Variants in NPAP1 observed in about 807,000 individuals in gnomAD.
NPAP1 encodes the protein nuclear pore-associated protein 1.
For missense variants in NPAP1, 1,483 were observed against 1,454.5 expected, an observed-to-expected ratio of 1.02 and a Z score of -0.32; for synonymous variants, 616 against 581.4, an observed-to-expected ratio of 1.06 and a Z score of -0.86.
Position 24,676,284 on chromosome 15 carries a change from G to A in NPAP1, c.417G>A (p.Lys139=). 6.6e-7 allele frequency: 1 copy of A among 1,519,256 alleles called. No individual in the cohort carries two copies. The allele number at this position is 1,519,256 out of a possible 1,614,324, so 94.1% of individuals were successfully genotyped here. The change falls in exon 1 of 1, where the codon AAG becomes AAA. Residue 139 remains lysine (K), a synonymous_variant. Coordinates refer to ENST00000329468, the MANE Select transcript of NPAP1 (RefSeq NM_018958.3). ...GTGAGCCGGCGGTCAAGGCCAGGAA[G>A]CCCATCCCAGCCACTCTCCTGGAGG... ...SPREPAVKAR[K]PIPATLLEET...
rs1318972122 is a variant in NPAP1, at chr15:24,678,185, A to G, written c.2318A>G (p.Lys773Arg). Residue 773 changes from lysine (K) to arginine (R), a missense_variant, in exon 1 of 1, where the codon AAA becomes AGA. By Grantham distance (26) the Lys-to-Arg change is conservative (BLOSUM62 2). Coordinates refer to ENST00000329468, the MANE Select transcript of NPAP1 (RefSeq NM_018958.3). ...PLNPGATPQPKFGAPDGPQQK... is the reference protein window; with the variant it reads ...PLNPGATPQPRFGAPDGPQQK... The stretch of plus-strand genomic sequence containing the variant: ...AATCCAGGAGCCACCCCTCAACCCA[A>G]ATTTGGGGCCCCTGATGGGCCGCAG... 6.2e-7 allele frequency: 1 copy of G among 1,609,906 alleles called. No individual in the cohort carries two copies. Among genetic ancestry groups the G allele is most frequent in the African/African-American group, 1.4e-5 (1 of 73,408 alleles).
In NPAP1 at chr15:24,676,599, C is replaced by A. The variant is rs773409255; in HGVS notation, c.732C>A (p.Ser244Arg). ...GCCCTGCCATGCCCAGCACACACAG[C>A]CAGGCCGGATGTGCCCGGCATCTTG... Reference protein sequence around the residue: ...LEGPAMPSTHSQAGCARHLGK... With the variant: ...LEGPAMPSTHRQAGCARHLGK... Residue 244 changes from serine to arginine, a missense_variant, in exon 1 of 1, where the codon AGC becomes AGA. By Grantham distance (110) the Ser-to-Arg change is moderately radical. Transcript: ENST00000329468. 6.2e-7 allele frequency: 1 copy of A among 1,614,038 alleles called. No homozygotes were observed. The highest frequency in any genetic ancestry group is 2.2e-5 in the East Asian group (1 of 44,854).
In NPAP1 at chr15:24,678,490, T is replaced by C. The variant is rs2048993196; in HGVS notation, c.2623T>C (p.Phe875Leu). Residue 875 changes from phenylalanine to leucine, a missense_variant, in exon 1 of 1, where the codon TTT becomes CTT. Phe to Leu is a conservative substitution (Grantham distance 22). Coordinates refer to ENST00000329468, the MANE Select transcript of NPAP1 (RefSeq NM_018958.3). ...TGCCTCAGCCCAAGTCTCCACCAGT[T>C]TTCCTGCACAGGCAGATAGGAGACC... is the stretch of plus-strand genomic sequence containing the variant. ...SIASAQVSTS[F>L]PAQADRRPTT... The C allele has an allele frequency of 6.2e-7, 1 of 1,614,040 alleles. No homozygotes were observed. Among genetic ancestry groups the C allele is most frequent in the Admixed American group, 1.7e-5 (1 of 60,000 alleles).
In NPAP1 at chr15:24,676,468, T is replaced by C. The variant is rs2141308088; in HGVS notation, c.601T>C (p.Phe201Leu). ...GGGCACCCAGGGAGACGTGGCCTCC[T>C]TCAGATGCAGCCCTGGGCCTCTGGA... is the stretch of plus-strand genomic sequence containing the variant. Reference protein sequence around the residue: ...SQGTQGDVASFRCSPGPLEGN... With the variant: ...SQGTQGDVASLRCSPGPLEGN... Residue 201 changes from phenylalanine to leucine, a missense_variant, in exon 1 of 1, where the codon TTC becomes CTC. Phe to Leu is a conservative substitution (Grantham distance 22). Transcript: ENST00000329468. The C allele has an allele frequency of 6.2e-7, 1 of 1,613,978 alleles. No individual in the cohort carries two copies. The highest frequency in any genetic ancestry group is 1.1e-5 in the South Asian group (1 of 91,070).
chr15:24,677,409 G>C lies in NPAP1; in HGVS notation c.1542G>C (p.Glu514Asp), dbSNP rs2048984195. ...TPSFKPPVTR[E>D]SPISMCVDSP... is the part of the protein sequence containing the mutation. ...CCTTCAAGCCTCCCGTCACAAGGGA[G>C]TCCCCAATATCTATGTGTGTGGATT... Residue 514 changes from glutamate to aspartate, a missense_variant, in exon 1 of 1, where the codon GAG becomes GAC. Transcript: ENST00000329468. 1 of 1,614,084 alleles carries C rather than the reference G, an allele frequency of 6.2e-7. No individual in the cohort carries two copies. The highest frequency in any genetic ancestry group is 8.5e-7 in the Non-Finnish European group (1 of 1,180,034).
chr15:24,682,511 CTTTTA>C lies in NPAP1; in HGVS notation c.*3178_*3182del, dbSNP rs1566758497. ...ACAACTGAAACTATTTCTAAATATT[CTTTTA>C]TTTTTTATTAAGATAAAAAGCAAAC... On this transcript the variant is annotated 3_prime_UTR_variant, in exon 1 of 1. Coordinates refer to ENST00000329468, the MANE Select transcript of NPAP1 (RefSeq NM_018958.3). The C allele has an allele frequency of 6.0e-6, 1 of 166,882 alleles. No individual in the cohort carries two copies. Among genetic ancestry groups the C allele is most frequent in the East Asian group, 1.9e-4 (1 of 5,204 alleles). The allele number at this position is 166,882 out of a possible 1,614,324, so 10.3% of individuals were successfully genotyped here.
the NPAP1 span, chr15:24,675,964 TC>T: frequency 6.3e-7 from 1 of 1,591,872 alleles, no homozygotes; most frequent in African/African-American, 1.4e-5. Context: ...CCGGGACGCC[TC>T]CCCGCCCGGT....
rs2141312003 is a variant in NPAP1, at chr15:24,678,168, A to T, written c.2301A>T (p.Gly767=). The T allele has an allele frequency of 6.2e-7, 1 of 1,612,540 alleles. No individual in the cohort carries two copies. The highest frequency in any genetic ancestry group is 8.5e-7 in the Non-Finnish European group (1 of 1,179,710). The change falls in exon 1 of 1, where the codon GGA becomes GGT. Residue 767 remains glycine (G), a synonymous_variant. Coordinates refer to ENST00000329468, the MANE Select transcript of NPAP1 (RefSeq NM_018958.3). ...CTTCCAACCATCCTTTAAATCCAGG[A>T]GCCACCCCTCAACCCAAATTTGGGG... ...ATASNHPLNP[G]ATPQPKFGAP...
At position 24,676,420 on chromosome 15, in the gene NPAP1, G is replaced by T. The variant is rs2141307976; in HGVS notation, c.553G>T (p.Ala185Ser). The T allele has an allele frequency of 6.2e-7, 1 of 1,607,368 alleles. No homozygotes were observed. The highest frequency in any genetic ancestry group is 8.5e-7 in the Non-Finnish European group (1 of 1,177,330). ...AAGGACCCCCCTTAGCAGCGGAGAA[G>T]CATCGTCCACATCCAGGTCCCAGGG... ...EKRTPLSSGE[A>S]SSTSRSQGTQ... The change falls in exon 1 of 1, where the codon GCA becomes TCA. Residue 185 changes from alanine (A) to serine (S), a missense_variant. Coordinates refer to ENST00000329468, the MANE Select transcript of NPAP1 (RefSeq NM_018958.3).
Position 24,676,127 on chromosome 15 carries a change from C to T in NPAP1, c.260C>T (p.Ala87Val), listed in dbSNP as rs2141307318. ...GCCGCCCCTCTGGGGGTCCTGCCGG[C>T]TGTGGGTTGGGGGCTGGCCATCAGG... is the stretch of plus-strand genomic sequence containing the variant. ...AAAAPLGVLP[A>V]VGWGLAIRKT... is the part of the protein sequence containing the mutation. The change falls in exon 1 of 1, where the codon GCT becomes GTT. Residue 87 changes from alanine to valine, a missense_variant. Transcript: ENST00000329468. 1.9e-6 allele frequency: 3 copies of T among 1,568,996 alleles called. No individual in the cohort carries two copies. Among genetic ancestry groups the T allele is most frequent in the African/African-American group, 1.4e-5 (1 of 73,158 alleles).
rs77489713 is a variant in NPAP1, at chr15:24,676,836, C to G, written c.969C>G (p.Asn323Lys). 6.2e-7 allele frequency: 1 copy of G among 1,613,100 alleles called. No homozygotes were observed. The highest frequency in any genetic ancestry group is 1.6e-4 in the Middle Eastern group (1 of 6,062). ...CTGCTCCTCCCAGAGCTGCCCGCAA[C>G]AGGCCCTGCAAAAGGAAAATGTCGA... ...RSAAPPRAAR[N>K]RPCKRKMSIP... The change falls in exon 1 of 1, where the codon AAC becomes AAG. Residue 323 changes from asparagine (N) to lysine (K), a missense_variant. Asn to Lys is a moderately conservative substitution (Grantham distance 94, BLOSUM62 0). Coordinates refer to ENST00000329468, the MANE Select transcript of NPAP1 (RefSeq NM_018958.3).
chr15:24,675,838 T>C lies in NPAP1; in HGVS notation c.-30T>C. On this transcript the variant is annotated 5_prime_UTR_variant, in exon 1 of 1. Transcript: ENST00000329468. ...AGAGTTGAGTCCACTGCTGACCCTGTTTTACGGTAGGAGGCACGGCTAGCT... is the reference window on the plus strand; with the variant it reads ...AGAGTTGAGTCCACTGCTGACCCTGCTTTACGGTAGGAGGCACGGCTAGCT... 14 of 1,443,104 alleles carry C rather than the reference T, an allele frequency of 9.7e-6. No homozygotes were observed. Among genetic ancestry groups the C allele is most frequent in the Non-Finnish European group, 1.2e-5 (13 of 1,087,548 alleles). 89.4% of individuals were successfully genotyped at this position (1,443,104 alleles called of 1,614,324 possible). A position where few individuals can be genotyped will look rare whatever the true frequency, so the allele number is the denominator to read the frequency against.
Position 24,676,200 on chromosome 15 carries a change from C to T in NPAP1, c.333C>T (p.Pro111=), listed in dbSNP as rs780298945. ...GGAACCCCCCGAGGTTTGGACACCC[C>T]AGTTCCGTAAGGATCCCTCCTCCCA... The part of the protein sequence containing the change: ...PARNPPRFGH[P]SSVRIPPPSR... The change falls in exon 1 of 1, where the codon CCC becomes CCT. Residue 111 remains proline (P), a synonymous_variant. Coordinates refer to ENST00000329468, the MANE Select transcript of NPAP1 (RefSeq NM_018958.3). The T allele has an allele frequency of 4.5e-6, 7 of 1,549,808 alleles. No homozygotes were observed. The highest frequency in any genetic ancestry group is 1.2e-5 in the South Asian group (1 of 80,252).
chr15:24,678,629 C>T lies in NPAP1; in HGVS notation c.2762C>T (p.Thr921Ile), dbSNP rs2141313043. 4 of 1,614,026 alleles carry T rather than the reference C, an allele frequency of 2.5e-6. No individual in the cohort carries two copies. The East Asian group carries it at 6.7e-5, about 27-fold the overall frequency. ...TCTTTTATTCTGGGGAATCCAGCAA[C>T]CCCAGCACCAGTTATAGGCTTAACA... Reference protein sequence around the residue: ...DSSFILGNPATPAPVIGLTSP... With the variant: ...DSSFILGNPAIPAPVIGLTSP... The change falls in exon 1 of 1, where the codon ACC (threonine) becomes ATC (isoleucine). Residue 921 changes from threonine to isoleucine, a missense_variant. Coordinates refer to ENST00000329468, the MANE Select transcript of NPAP1 (RefSeq NM_018958.3).
In NPAP1 at chr15:24,677,683, C is replaced by T. The variant is rs1384551497; in HGVS notation, c.1816C>T (p.His606Tyr). The T allele has an allele frequency of 3.1e-6, 5 of 1,614,100 alleles. No homozygotes were observed. Among genetic ancestry groups the T allele is most frequent in the Non-Finnish European group, 4.2e-6 (5 of 1,180,042 alleles). Residue 606 changes from histidine (H) to tyrosine (Y), a missense_variant, in exon 1 of 1, where the codon CAT (histidine) becomes TAT (tyrosine). Coordinates refer to ENST00000329468, the MANE Select transcript of NPAP1 (RefSeq NM_018958.3). ...RVSSLPNSQI[H>Y]CSAEQRHPGK... is the part of the protein sequence containing the mutation. ...GAGCTCTCTCCCAAATTCCCAAATA[C>T]ATTGCAGTGCAGAGCAGAGGCACCC... is the stretch of plus-strand genomic sequence containing the variant.
rs1454937875 is a variant in NPAP1, at chr15:24,677,414, C to T, written c.1547C>T (p.Pro516Leu). The change falls in exon 1 of 1, where the codon CCA becomes CTA. Residue 516 changes from proline (P) to leucine (L), a missense_variant. By Grantham distance (98) the Pro-to-Leu change is moderately conservative (BLOSUM62 -3). Coordinates refer to ENST00000329468, the MANE Select transcript of NPAP1 (RefSeq NM_018958.3). ...SFKPPVTRES[P>L]ISMCVDSPPP... ...AAGCCTCCCGTCACAAGGGAGTCCC[C>T]AATATCTATGTGTGTGGATTCCCCT... is the stretch of plus-strand genomic sequence containing the variant. 6.2e-7 allele frequency: 1 copy of T among 1,614,144 alleles called. No individual in the cohort carries two copies. Among genetic ancestry groups the T allele is most frequent in the Non-Finnish European group, 8.5e-7 (1 of 1,180,032 alleles).
At position 24,677,541 on chromosome 15, in the gene NPAP1, A is replaced by G. The variant is rs1481376261; in HGVS notation, c.1674A>G (p.Thr558=). 6.2e-7 allele frequency: 1 copy of G among 1,614,130 alleles called. No homozygotes were observed. The highest frequency in any genetic ancestry group is 1.7e-5 in the Admixed American group (1 of 60,010). The part of the protein sequence containing the change: ...MNSTSVISTV[T]TNASAHLTSQ... ...CCACGTCAGTCATTTCCACTGTCAC[A>G]ACAAACGCATCTGCCCACCTAACCT... is the stretch of plus-strand genomic sequence containing the variant. The change falls in exon 1 of 1, where the codon ACA becomes ACG. Residue 558 remains threonine, a synonymous_variant. Transcript: ENST00000329468.
rs199803255 is a variant in NPAP1, at chr15:24,678,525, T to C, written c.2658T>C (p.Thr886=). The change falls in exon 1 of 1, where the codon ACT becomes ACC. Residue 886 remains threonine (T), a synonymous_variant. Coordinates refer to ENST00000329468, the MANE Select transcript of NPAP1 (RefSeq NM_018958.3). ...AGGCAGATAGGAGACCAACCACAAC[T>C]TCCAGCCATCCTTTAAATACAGGAT... is the stretch of plus-strand genomic sequence containing the variant. ...PAQADRRPTT[T]SSHPLNTGSI... 5.0e-6 allele frequency: 8 copies of C among 1,614,112 alleles called. No homozygotes were observed. In the East Asian group the frequency reaches 1.8e-4, roughly 36 times the overall value.
rs1157394624 is a variant in NPAP1, at chr15:24,679,350, G to T, written c.*12G>T. 1 of 1,565,032 alleles carries T rather than the reference G, an allele frequency of 6.4e-7. No individual in the cohort carries two copies. Among genetic ancestry groups the T allele is most frequent in the African/African-American group, 1.4e-5 (1 of 73,934 alleles). The stretch of plus-strand genomic sequence containing the variant: ...TCCAACTTCCGTAAGAGCACCTGTG[G>T]TTCACCTGATCACACCACATCAGTT... On this transcript the variant is annotated 3_prime_UTR_variant, in exon 1 of 1. Transcript: ENST00000329468.
Sources: gnomAD v4.1 joint callset for allele counts on GRCh38, gnomAD v4.1.1 for gene constraint, MANE v1.5 for transcripts, NCBI Gene and HGNC (gene_info 2026-07-23, HGNC 2026-07-21) for gene names.